SCN8A: variants seen among roughly 807,000 people sequenced by gnomAD.
SCN8A encodes the protein sodium voltage-gated channel alpha subunit 8.
SCN8A carries 30 observed loss-of-function variants against 184.1 expected under a neutral mutation model. That is an observed-to-expected ratio of 0.16 (90% CI 0.12 to 0.22). The LOEUF is 0.22. SCN8A is among the 10% of genes least tolerant of loss of function. The pLI, the probability that SCN8A is intolerant of heterozygous loss-of-function variation, is 1.00. For synonymous variants in SCN8A, 852 were observed against 907.0 expected (o/e 0.94, Z 1.09); for missense variants, 1,057 against 2,498.9 (o/e 0.42, Z 12.30).
chr12:51,639,879 CTTTTTTTTTTTTTTTTTTTTTTTTTTT>C (rs71092712), intron 1 of SCN8A, among the ~76,000 whole-genome samples: 1 of 15,078 alleles, frequency 6.6e-5, no homozygotes, highest in African/African-American at 2.7e-4. Context: ...AAGGTATATG[CTTTTTTTTTTTTTTTTTTTTTTTTTTT>C]TTTTTTTTTT....
At position 51,810,494 on chromosome 12, in the gene SCN8A, G is replaced by A. The variant is rs2138951494; in HGVS notation, c.*3065G>A. ...CCAAATATTAACGAAGCCAATCAAA[G>A]AGCAGCGCAGCCACAGTATCACTGC... On this transcript the variant is annotated 3_prime_UTR_variant, in exon 27 of 27. Coordinates refer to ENST00000627620, the MANE Select transcript of SCN8A (RefSeq NM_001330260.2). 2.3e-6 allele frequency: 1 copy of A among 437,296 alleles called. No individual in the cohort carries two copies. Among genetic ancestry groups the A allele is most frequent in the Non-Finnish European group, 4.6e-6 (1 of 218,900 alleles). 27.1% of individuals were successfully genotyped at this position (437,296 alleles called of 1,614,324 possible).
chr12:51,722,289 A>C, intron 12 of SCN8A: 1 of 251,104 alleles, frequency 4.0e-6, no homozygotes, highest in Non-Finnish European at 7.6e-6. Context: ...CCCTCCTCCC[A>C]CCTGCTTTGA....
At chr12:51,707,165 A>G (rs1941798912) in intron 11 of SCN8A, among the ~76,000 whole-genome samples, 1 of 152,190 alleles carries the variant, frequency 6.6e-6, no homozygotes, top group African/African-American at 2.4e-5. Context: ...AAATAGTACT[A>G]CAATAAACAT....
chr12:51,630,474 G>A (rs1286409989), intron 1 of SCN8A, among the ~76,000 whole-genome samples: 2 of 152,064 alleles, frequency 1.3e-5, no homozygotes, highest in Admixed American at 6.6e-5. Context: ...ATAATATTCC[G>A]TTGTGTGCAT....
chr12:51,706,404 C>A lies in SCN8A; in HGVS notation c.1342-18C>A. On this transcript the variant is annotated intron_variant, in intron 10 of 26. Transcript: ENST00000627620. ...TAATTGCCCTGGTCTGGCTTCCCTG[C>A]TGTGGCTTCTTTCCTAGGCTGCTGC... 6.5e-7 allele frequency: 1 copy of A among 1,536,728 alleles called. No individual in the cohort carries two copies.
intron 8 of SCN8A, among the ~76,000 whole-genome samples, chr12:51,702,150 C>T (rs781022890): frequency 5.9e-5 from 9 of 151,664 alleles, no homozygotes; most frequent in Admixed American, 2.0e-4. Context: ...AGTGAAACCC[C>T]GTCTCTACTA....
intron 2 of SCN8A, among the ~76,000 whole-genome samples, chr12:51,681,061 G>A (rs1317246557): frequency 6.6e-6 from 1 of 152,140 alleles, no homozygotes; most frequent in African/African-American, 2.4e-5. Context: ...TGTCTCCTAA[G>A]GAGAGGTTTT....
At chr12:51,800,880 TTGTC>T (rs550448620) in intron 26 of SCN8A, among the ~76,000 whole-genome samples, 5 of 152,126 alleles carry the variant, frequency 3.3e-5, no homozygotes, top group Non-Finnish European at 7.4e-5. Context: ...GCAGTATAAA[TTGTC>T]AGTAGTGTAG....
intron 20 of SCN8A, among the ~76,000 whole-genome samples, chr12:51,779,988 G>A (rs1386817922): frequency 4.9e-5 from 2 of 40,798 alleles, no homozygotes; most frequent in Non-Finnish European, 1.2e-4. Context: ...GAGTTCTCAT[G>A]GAGCCACAGT....
At chr12:51,657,292 A>G (rs1940840052) in intron 1 of SCN8A, among the ~76,000 whole-genome samples, 1 of 152,102 alleles carries the variant, frequency 6.6e-6, no homozygotes, top group Non-Finnish European at 1.5e-5. Flanking sequence ...AATATTTATC[A>G]TTTCTTTGTA....
At chr12:51,636,019 C>A (rs923632643) in intron 1 of SCN8A, among the ~76,000 whole-genome samples, 55 of 152,138 alleles carry the variant, frequency 3.6e-4, no homozygotes, top group African/African-American at 1.1e-3. Context: ...TTTTGAGACG[C>A]AATCTCGCTC....
rs146985581 is a variant in SCN8A, at chr12:51,788,441, T to A, written c.4228-254T>A. ...GGCAGGCTTCTCAGGCCCATGTTTT[T>A]GAGTCCTTTCGTAAAGCCTTAATCC... On this transcript the variant is annotated intron_variant, in intron 22 of 26. Transcript: ENST00000627620. The A allele has an allele frequency of 5.2e-3, 1,423 of 274,050 alleles. 13 individuals carry two copies. Among genetic ancestry groups the A allele is most frequent in the African/African-American group, 0.024 (1,098 of 45,628 alleles). The allele number at this position is 274,050 out of a possible 1,614,324, so 17.0% of individuals were successfully genotyped here.
intron 20 of SCN8A, among the ~76,000 whole-genome samples, chr12:51,778,393 TCC>T (rs1389914591): frequency 5.3e-5 from 8 of 152,184 alleles, no homozygotes; most frequent in Admixed American, 5.2e-4. Context: ...CAAGCAATTC[TCC>T]TGCCTCAGCC....
intron 1 of SCN8A, among the ~76,000 whole-genome samples, chr12:51,648,229 G>T (rs1041971659): frequency 2.0e-5 from 3 of 152,136 alleles, no homozygotes; most frequent in African/African-American, 7.2e-5. Flanking sequence ...TCACTATGTT[G>T]CCCAAAGGCT....
chr12:51,723,870 G>T (rs1406992266), intron 12 of SCN8A, among the ~76,000 whole-genome samples: 1 of 151,758 alleles, frequency 6.6e-6, no homozygotes, highest in African/African-American at 2.4e-5. Flanking sequence ...ATCTGTAAGG[G>T]TGACTAAGTG....
Position 51,751,383 on chromosome 12 carries a change from G to T in SCN8A, c.2160G>T (p.Pro720=). The part of the protein sequence containing the change: ...EELEESQRKC[P]PCWYKFANTF... ...TGGAAGAGTCTCAGAGAAAGTGCCC[G>T]CCATGCTGGTATAAATTTGCCAACA... Residue 720 remains proline, a synonymous_variant, in exon 14 of 27, where the codon CCG becomes CCT. Transcript: ENST00000627620. 1 of 1,613,684 alleles carries T rather than the reference G, an allele frequency of 6.2e-7. No homozygotes were observed.
chr12:51,696,925 G>T (rs753287202), intron 6 of SCN8A, among the ~76,000 whole-genome samples: 19 of 151,712 alleles, frequency 1.3e-4, no homozygotes, highest in Non-Finnish European at 4.4e-5. Context: ...TGTAATCCCA[G>T]TTACTCTAGA....
intron 1 of SCN8A, among the ~76,000 whole-genome samples, chr12:51,648,673 A>C (rs1387076833): frequency 3.9e-5 from 6 of 152,178 alleles, no homozygotes; most frequent in African/African-American, 1.4e-4. Context: ...CTCTACCACA[A>C]GAACAGTATG....
At chr12:51,700,950 C>T (rs1283624642) in intron 7 of SCN8A, among the ~76,000 whole-genome samples, 194 bp from the exon 8 acceptor site, 2 of 152,140 alleles carry the variant, frequency 1.3e-5, no homozygotes, top group Non-Finnish European at 2.9e-5. Flanking sequence ...TTTGGGATAG[C>T]ACTTTTAATT....
Sources: allele counts gnomAD v4.1 joint callset (sites outside exome capture counted in the v4.1 genomes callset), GRCh38; gene constraint gnomAD v4.1.1; transcripts MANE v1.5; gene names NCBI Gene and HGNC (gene_info 2026-07-23, HGNC 2026-07-21).